IRAK1BP1: variants seen among roughly 807,000 people sequenced by gnomAD.
IRAK1BP1 encodes interleukin-1 receptor-associated kinase 1-binding protein 1.
IRAK1BP1 carries 24 observed loss-of-function variants against 28.0 expected under a neutral mutation model. The observed-to-expected ratio is 0.86, with a 90% CI of 0.62 to 1.20. The LOEUF (loss-of-function observed/expected upper bound fraction) is 1.20, where lower values mean the gene tolerates loss of function less well. IRAK1BP1 is among the 50% of genes most tolerant of loss of function. The pLI, the probability that IRAK1BP1 is intolerant of heterozygous loss-of-function variation, is 0.00. For synonymous variants in IRAK1BP1, 131 were observed against 116.3 expected (o/e 1.13, Z -0.81); for missense variants, 336 against 316.7 (o/e 1.06, Z -0.46).
the IRAK1BP1 span, chr6:78,958,267 CTTA>C: frequency 2.6e-6 from 1 of 391,608 alleles, no homozygotes; most frequent in Non-Finnish European, 4.5e-6. Context: ...TGATTTCATT[CTTA>C]TTATTAGCCA....
At chr6:78,896,380 A>C (rs1174639022) in intron 2 of IRAK1BP1, among the ~76,000 whole-genome samples, 1 of 151,808 alleles carries the variant, frequency 6.6e-6, no homozygotes, top group African/African-American at 2.4e-5. Flanking sequence ...AACGAATACT[A>C]TTCAGCATAA....
intron 2 of IRAK1BP1, among the ~76,000 whole-genome samples, chr6:78,895,314 T>A (rs1771840386): frequency 6.6e-6 from 1 of 152,138 alleles, no homozygotes; most frequent in Admixed American, 6.6e-5. Flanking sequence ...GCCAATTCTA[T>A]ACAAATTTTT....
At chr6:78,885,822 A>G (rs1771412190) in intron 2 of IRAK1BP1, among the ~76,000 whole-genome samples, 1 of 152,212 alleles carries the variant, frequency 6.6e-6, no homozygotes, top group Non-Finnish European at 1.5e-5. Context: ...GTGCAATTTT[A>G]CTGTATTGTG....
intron 1 of IRAK1BP1, among the ~76,000 whole-genome samples, chr6:78,870,785 C>T (rs1318428486): frequency 6.6e-6 from 1 of 151,940 alleles, no homozygotes; most frequent in African/African-American, 2.4e-5. Flanking sequence ...AGTCTAGGCT[C>T]ACTGCAACCT....
At chr6:78,921,258 CG>C (rs1772717096) in intron 4 of IRAK1BP1, among the ~76,000 whole-genome samples, 1 of 152,180 alleles carries the variant, frequency 6.6e-6, no homozygotes, top group Non-Finnish European at 1.5e-5. Flanking sequence ...TCTTCGCAAA[CG>C]GCACACCAGG....
At chr6:78,970,938 C>G in the IRAK1BP1 span, 1 of 1,226,618 alleles carries the variant, frequency 8.2e-7, no homozygotes, top group Non-Finnish European at 1.2e-6. Flanking sequence ...TCCTTTAATC[C>G]AATATACAGG....
At chr6:78,973,337 T>C in the IRAK1BP1 span, among the ~76,000 whole-genome samples, 1 of 150,658 alleles carries the variant, frequency 6.6e-6, no homozygotes, top group Non-Finnish European at 1.5e-5. Flanking sequence ...TGAGAGATTT[T>C]GTCACCACCA....
intron 4 of IRAK1BP1, among the ~76,000 whole-genome samples, chr6:78,942,312 G>A (rs564649595): frequency 2.0e-5 from 3 of 152,164 alleles, no homozygotes; most frequent in South Asian, 4.2e-4. Context: ...GCGAAACCCC[G>A]TCTCTACTAA....
intron 4 of IRAK1BP1, among the ~76,000 whole-genome samples, chr6:78,925,057 A>G (rs1312151795): frequency 6.6e-6 from 1 of 152,146 alleles, no homozygotes; most frequent in African/African-American, 2.4e-5. Flanking sequence ...ATTCTCAGTG[A>G]ACTATGGCAA....
intron 4 of IRAK1BP1, chr6:78,941,366 T>C (rs1474478257): frequency 1.3e-6 from 2 of 1,525,698 alleles, no homozygotes; most frequent in Non-Finnish European, 1.8e-6. Context: ...ATATATGGAG[T>C]TTCTTTTTTT....
At position 78,885,379 on chromosome 6, in the gene IRAK1BP1, C is replaced by G; in HGVS notation, c.317C>G (p.Ala106Gly). The G allele has an allele frequency of 6.4e-7, 1 of 1,565,514 alleles. No individual in the cohort carries two copies. Among genetic ancestry groups the G allele is most frequent in the Non-Finnish European group, 8.7e-7 (1 of 1,143,154 alleles). ...ACTCTTGGACTTTTTCTGTTTCAGG[C>G]AGAAAATATAACTGTGACAAAGGAT... ...TQSLQQQGVQ[A>G]ENITVTKDFR... The change falls in exon 2 of 4, where the codon GCA becomes GGA. Residue 106 changes from alanine to glycine, a missense_variant and splice_region_variant. Transcript: ENST00000369940.
At chr6:78,896,080 G>T (rs2127653389) in intron 2 of IRAK1BP1, among the ~76,000 whole-genome samples, 1 of 152,240 alleles carries the variant, frequency 6.6e-6, no homozygotes, top group South Asian at 2.1e-4. Flanking sequence ...ATTCCAGAGA[G>T]AAATTAAAGA....
chr6:78,944,843 C>T (rs1475082616), intron 4 of IRAK1BP1, among the ~76,000 whole-genome samples: 2 of 152,096 alleles, frequency 1.3e-5, no homozygotes, highest in Non-Finnish European at 2.9e-5. Context: ...ATCTTTCAAA[C>T]ATAAAGACTT....
downstream of IRAK1BP1, chr6:78,903,119 G>A (rs952611136): frequency 4.4e-6 from 6 of 1,366,888 alleles, no homozygotes; most frequent in South Asian, 5.0e-5. Context: ...ATGTAAGTTG[G>A]TTCATTATAA....
the IRAK1BP1 span, chr6:78,978,833 T>C: frequency 1.4e-6 from 1 of 690,636 alleles, no homozygotes; most frequent in Non-Finnish European, 2.2e-6. Flanking sequence ...TTGTACAATA[T>C]TATATACAGT....
downstream of IRAK1BP1, among the ~76,000 whole-genome samples, chr6:78,908,016 C>T (rs1357984141): frequency 1.3e-5 from 2 of 149,966 alleles, no homozygotes; most frequent in Non-Finnish European, 3.0e-5. Flanking sequence ...CTGCACCCGG[C>T]CTTTTATTTT....
At position 78,868,791 on chromosome 6, in the gene IRAK1BP1, A is replaced by G. The variant is rs113131006; in HGVS notation, c.315+900A>G. On this transcript the variant is annotated intron_variant, in intron 1 of 3. Transcript: ENST00000369940. ...CCAATTCTGCCGATAATTAGAATGA[A>G]AGAAAATTAGAAATCATAGGGATCA... is the stretch of plus-strand genomic sequence containing the variant. Among the ~76,000 whole-genome samples, 1,096 of 152,336 alleles carry G rather than the reference A, an allele frequency of 7.2e-3. 16 individuals carry two copies. Among genetic ancestry groups the G allele is most frequent in the African/African-American group, 0.025 (1,029 of 41,568 alleles).
chr6:78,966,002 C>G, the IRAK1BP1 span: 1 of 1,613,880 alleles, frequency 6.2e-7, no homozygotes, highest in Non-Finnish European at 8.5e-7. Context: ...AGGTTCCTGG[C>G]TTTCGATTGT....
At chr6:78,908,659 C>T (rs1772322183) in intron 4 of IRAK1BP1, among the ~76,000 whole-genome samples, 1 of 152,140 alleles carries the variant, frequency 6.6e-6, no homozygotes, top group Non-Finnish European at 1.5e-5. Flanking sequence ...ACTCATTGGT[C>T]AGTGTTCAAT....
Sources: allele counts gnomAD v4.1 joint callset (sites outside exome capture counted in the v4.1 genomes callset), GRCh38; gene constraint gnomAD v4.1.1; transcripts MANE v1.5; gene names NCBI Gene and HGNC (gene_info 2026-07-23, HGNC 2026-07-21).